Variants in VEPH1 observed in about 807,000 individuals in gnomAD.
The protein encoded by VEPH1 is ventricular zone-expressed PH domain-containing protein homolog 1.
VEPH1 carries 80 observed loss-of-function variants against 85.2 expected under a neutral mutation model. That is an observed-to-expected ratio of 0.94 (90% CI 0.78 to 1.13). VEPH1 has a LOEUF of 1.13. Ranked by LOEUF, VEPH1 falls within the 50% of genes most tolerant of loss-of-function variation. The probability of loss-of-function intolerance (pLI) is 0.00; values close to 1 mark genes in which losing one functional copy is unlikely to be tolerated. For synonymous variants in VEPH1, 297 were observed against 348.0 expected (o/e 0.85, Z 1.63); for missense variants, 955 against 980.5 (o/e 0.97, Z 0.35).
chr3:157,347,940 C>T (rs1013279937), intron 9 of VEPH1, among the ~76,000 whole-genome samples: 1 of 152,236 alleles, frequency 6.6e-6, no homozygotes, highest in Admixed American at 6.5e-5. Flanking sequence ...CGCTGGGCGC[C>T]ACGTTGAGAC....
intron 9 of VEPH1, among the ~76,000 whole-genome samples, chr3:157,324,429 T>G (rs1242088326): frequency 6.6e-6 from 1 of 152,014 alleles, no homozygotes; most frequent in African/African-American, 2.4e-5. Flanking sequence ...GCTGCAGAGG[T>G]CATCCCATCA....
At chr3:157,476,861 A>G (rs59935225) in intron 2 of VEPH1, among the ~76,000 whole-genome samples, 7,896 of 152,248 alleles carry the variant, frequency 0.052, 678 homozygotes, top group African/African-American at 0.18. Flanking sequence ...TTTTGATGGT[A>G]AATGGACAAT....
intron 10 of VEPH1, among the ~76,000 whole-genome samples, chr3:157,316,381 C>A (rs1480624422): frequency 6.6e-6 from 1 of 151,458 alleles, no homozygotes; most frequent in Non-Finnish European, 1.5e-5. Flanking sequence ...ATATGTGTGA[C>A]AATAAAAAGA....
At chr3:157,328,110 C>T (rs563258879) in intron 9 of VEPH1, among the ~76,000 whole-genome samples, 2 of 152,224 alleles carry the variant, frequency 1.3e-5, no homozygotes, top group East Asian at 1.9e-4. Flanking sequence ...TTAGGGTGAC[C>T]GGCCATCCCG....
At chr3:157,283,301 G>A (rs370061032) in intron 12 of VEPH1, among the ~76,000 whole-genome samples, 1 of 152,116 alleles carries the variant, frequency 6.6e-6, no homozygotes, top group Non-Finnish European at 1.5e-5. Context: ...GTGACCTTGC[G>A]AAAATTACTT....
chr3:157,496,579 A>T (rs1263542651), intron 1 of VEPH1, among the ~76,000 whole-genome samples: 2 of 152,226 alleles, frequency 1.3e-5, no homozygotes, highest in Non-Finnish European at 2.9e-5. Flanking sequence ...TACAAGTAAT[A>T]GGCATTTCTA....
At chr3:157,362,699 G>A (rs141801061) in intron 9 of VEPH1, among the ~76,000 whole-genome samples, 6 of 152,210 alleles carry the variant, frequency 3.9e-5, no homozygotes, top group East Asian at 1.9e-4. Context: ...TATGCTTTGC[G>A]TTAGGTAATT....
At chr3:157,470,635 T>C (rs1012615579) in intron 2 of VEPH1, 106 bp from the exon 3 acceptor site, 86 of 1,034,838 alleles carry the variant, frequency 8.3e-5, no homozygotes, top group Non-Finnish European at 1.1e-4. Flanking sequence ...CCAGGCTGTG[T>C]GCTAAGGGGT....
chr3:157,290,887 T>C (rs1165937298), intron 11 of VEPH1, among the ~76,000 whole-genome samples: 1 of 152,208 alleles, frequency 6.6e-6, no homozygotes, highest in Non-Finnish European at 1.5e-5. Context: ...CATAGAAAGA[T>C]GAGAGATTTA....
At chr3:157,503,213 G>A (rs534293314) in intron 1 of VEPH1, 64 bp downstream of exon 1, 54 of 152,308 alleles carry the variant, frequency 3.5e-4, no homozygotes, top group African/African-American at 1.3e-3. Context: ...TGCAGCCTCT[G>A]ACATTTACTT....
intron 2 of VEPH1, among the ~76,000 whole-genome samples, chr3:157,478,110 GT>G (rs1337151547): frequency 2.4e-4 from 37 of 152,100 alleles, no homozygotes; most frequent in African/African-American, 7.2e-4. Context: ...ATTTTCTGTG[GT>G]CAAAGGGAAT....
At chr3:157,272,149 G>A (rs574794863) in intron 12 of VEPH1, among the ~76,000 whole-genome samples, 11 of 152,136 alleles carry the variant, frequency 7.2e-5, no homozygotes, top group Non-Finnish European at 1.3e-4. Flanking sequence ...TTGCAAAATC[G>A]CCCTTGTTTG....
At chr3:157,448,343 C>G (rs1257192220) in intron 4 of VEPH1, among the ~76,000 whole-genome samples, 1 of 152,178 alleles carries the variant, frequency 6.6e-6, no homozygotes, top group East Asian at 1.9e-4. Context: ...CGTTTTGTGA[C>G]TTGTGCCAGA....
chr3:157,307,284 A>G (rs922309117), intron 11 of VEPH1, among the ~76,000 whole-genome samples: 4 of 151,896 alleles, frequency 2.6e-5, no homozygotes, highest in African/African-American at 9.6e-5. Flanking sequence ...GAACATTCCC[A>G]CTTTTTCACA....
chr3:157,375,117 T>A (rs1347665429), intron 7 of VEPH1, among the ~76,000 whole-genome samples: 10 of 152,202 alleles, frequency 6.6e-5, no homozygotes, highest in African/African-American at 2.4e-4. Context: ...ATTATCCCGA[T>A]GCATATGAAA....
intron 12 of VEPH1, among the ~76,000 whole-genome samples, chr3:157,271,794 T>C (rs1714588031): frequency 6.6e-6 from 1 of 152,086 alleles, no homozygotes; most frequent in South Asian, 2.1e-4. Context: ...GATCAGGCAC[T>C]GATTATATGT....
intron 9 of VEPH1, among the ~76,000 whole-genome samples, chr3:157,327,155 C>T (rs1721996182): frequency 6.6e-6 from 1 of 152,090 alleles, no homozygotes; most frequent in African/African-American, 2.4e-5. Flanking sequence ...GAAAAAAAAC[C>T]ATTATCCTTC....
rs372023996 is a variant in VEPH1 at position 157,417,563 on chromosome 3, T to G, written c.697-3473A>C. On this transcript the variant is annotated intron_variant, in intron 5 of 13. Coordinates refer to ENST00000362010, the MANE Select transcript of VEPH1 (RefSeq NM_001167912.2). ...TGGCCCATGGCCAAAATTCCAATGC[T>G]GTGGTATTCCAGATTCCAGTGTCTT... Among the ~76,000 whole-genome samples the G allele has an allele frequency of 6.2e-4, 95 of 152,340 alleles. 2 individuals are homozygous for G. In the South Asian group the frequency reaches 0.016, roughly 25 times the overall value.
chr3:157,454,251 T>C (rs989167545), intron 4 of VEPH1, among the ~76,000 whole-genome samples: 1 of 152,166 alleles, frequency 6.6e-6, no homozygotes, highest in African/African-American at 2.4e-5. Context: ...AAATTGGTGA[T>C]TTAATCCCGT....
Sources: gnomAD v4.1 joint callset for allele counts (sites outside exome capture counted in the v4.1 genomes callset) on GRCh38, gnomAD v4.1.1 for gene constraint, MANE v1.5 for transcripts, NCBI Gene and HGNC (gene_info 2026-07-23, HGNC 2026-07-21) for gene names.